Variants in LDB3 observed in about 807,000 individuals in gnomAD.
LDB3 encodes LIM domain binding 3.
A neutral mutation model predicts 69.0 loss-of-function variants in LDB3; 49 were observed. The observed-to-expected ratio is 0.71, with a 90% confidence interval of 0.56 to 0.90. The LOEUF is 0.90. Ranked by LOEUF, LDB3 falls within the 40% of genes least tolerant of loss-of-function variation. The probability of loss-of-function intolerance (pLI) is 0.00; values close to 1 mark genes in which losing one functional copy is unlikely to be tolerated. For missense variants in LDB3, 928 were observed against 974.1 expected, an observed-to-expected ratio of 0.95 and a Z score of 0.63; for synonymous variants, 387 against 396.2, an observed-to-expected ratio of 0.98 and a Z score of 0.28.
intron 12 of LDB3, 111 bp from the exon 13 acceptor site, chr10:86,726,026 A>T (rs1847239122): frequency 2.7e-6 from 2 of 729,250 alleles, no homozygotes; most frequent in Non-Finnish European, 5.0e-6. Flanking sequence ...ATGACAAACA[A>T]CCAATTAGAT....
intron 7 of LDB3, among the ~76,000 whole-genome samples, chr10:86,694,535 C>CA (rs1257203047): frequency 2.0e-5 from 3 of 152,212 alleles, no homozygotes; most frequent in African/African-American, 7.2e-5. Flanking sequence ...TCAGGCCCTG[C>CA]AGTGGAGGCT....
At chr10:86,672,162 G>A (rs1844519219) in intron 2 of LDB3, among the ~76,000 whole-genome samples, 1 of 152,224 alleles carries the variant, frequency 6.6e-6, no homozygotes, top group South Asian at 2.1e-4. Flanking sequence ...ACACCTGTGA[G>A]AGCTCTTTCT....
At chr10:86,716,812 G>A in intron 10 of LDB3, 41 bp downstream of exon 10, 3 of 1,561,154 alleles carry the variant, frequency 1.9e-6, no homozygotes, top group African/African-American at 1.4e-5. Flanking sequence ...CACTGGAAGG[G>A]CGTGTGTGTG....
chr10:86,678,340 C>CTTTT (rs59059288), intron 2 of LDB3, among the ~76,000 whole-genome samples: 1 of 116,050 alleles, frequency 8.6e-6, no homozygotes, highest in African/African-American at 3.3e-5. Flanking sequence ...CCTGGCCACC[C>CTTTT]TTTTTTTTTT....
intron 5 of LDB3, among the ~76,000 whole-genome samples, chr10:86,683,110 C>T (rs1845256498): frequency 6.6e-6 from 1 of 152,214 alleles, no homozygotes; most frequent in African/African-American, 2.4e-5. Flanking sequence ...CCTTGTCCCG[C>T]ATTTGTTGGG....
At chr10:86,690,397 G>A (rs751761754) in intron 5 of LDB3, among the ~76,000 whole-genome samples, 1 of 152,198 alleles carries the variant, frequency 6.6e-6, no homozygotes, top group Non-Finnish European at 1.5e-5. Flanking sequence ...TGCTCCCTGG[G>A]CAGCTGCAGG....
chr10:86,672,564 T>A (rs1299398168), intron 2 of LDB3, among the ~76,000 whole-genome samples: 1 of 152,220 alleles, frequency 6.6e-6, no homozygotes, highest in Non-Finnish European at 1.5e-5. Flanking sequence ...GTGCTGTTTA[T>A]AGCCGCACTG....
At chr10:86,725,797 G>A (rs192359066) in intron 12 of LDB3, among the ~76,000 whole-genome samples, 2 of 152,338 alleles carry the variant, frequency 1.3e-5, no homozygotes, top group Non-Finnish European at 2.9e-5. Context: ...GTTTGGAAAT[G>A]TGGATTGTTT....
At chr10:86,680,620 C>T (rs1478442181) in intron 4 of LDB3, among the ~76,000 whole-genome samples, 1 of 152,200 alleles carries the variant, frequency 6.6e-6, no homozygotes, top group African/African-American at 2.4e-5. Context: ...CTCTGGTTTC[C>T]ACTTCCCCAC....
Position 86,668,718 on chromosome 10 carries a change from G to C in LDB3, c.27G>C (p.Gly9=), listed in dbSNP as rs547733235. The change falls in exon 2 of 14, where the codon GGG becomes GGC. Residue 9 remains glycine (G), a synonymous_variant. Transcript: ENST00000361373. ...TGTCTTACAGTGTGACCCTGACTGG[G>C]CCCGGGCCCTGGGGCTTCCGTCTGC... MSYSVTLT[G]PGPWGFRLQG... The C allele has an allele frequency of 6.2e-7, 1 of 1,613,380 alleles. No individual in the cohort carries two copies. The highest frequency in any genetic ancestry group is 2.2e-5 in the East Asian group (1 of 44,858).
chr10:86,668,599 G>A (rs925029808), intron 1 of LDB3, 29 bp downstream of exon 1: 2 of 992,566 alleles, frequency 2.0e-6, no homozygotes, highest in African/African-American at 1.6e-5. Flanking sequence ...GGCAGGGGCA[G>A]AGGTGTGGAC....
chr10:86,706,399 A>T, intron 7 of LDB3, 132 bp from the exon 8 acceptor site: 1 of 960,520 alleles, frequency 1.0e-6, no homozygotes, highest in Non-Finnish European at 1.7e-6. Flanking sequence ...TGAGGATCCT[A>T]CTCTGTTTGC....
chr10:86,732,283 T>C (rs1305172425), intron 13 of LDB3, among the ~76,000 whole-genome samples: 1 of 152,256 alleles, frequency 6.6e-6, no homozygotes, highest in Admixed American at 6.5e-5. Context: ...GTATTGACTC[T>C]ATTCATGCTA....
intron 9 of LDB3, among the ~76,000 whole-genome samples, chr10:86,714,866 T>C (rs996446225): frequency 8.5e-5 from 13 of 152,194 alleles, no homozygotes; most frequent in African/African-American, 2.9e-4. Flanking sequence ...CGGTATTATC[T>C]TTTGAAGGCC....
At chr10:86,728,943 T>C (rs1269944360) in intron 13 of LDB3, among the ~76,000 whole-genome samples, 2 of 79,762 alleles carry the variant, frequency 2.5e-5, no homozygotes, top group South Asian at 5.7e-4. Flanking sequence ...ACTTGAGGGA[T>C]TTTTTTTTTT....
intron 2 of LDB3, among the ~76,000 whole-genome samples, chr10:86,672,068 C>T (rs540004013): frequency 4.1e-5 from 6 of 147,142 alleles, no homozygotes; most frequent in Admixed American, 3.4e-4. Context: ...GCTGAGATCG[C>T]ACCACTGCAC....
intron 13 of LDB3, 102 bp from the exon 14 acceptor site, chr10:86,732,785 T>C (rs747287554): frequency 9.1e-6 from 8 of 878,658 alleles, no homozygotes; most frequent in African/African-American, 8.3e-5. Flanking sequence ...ATTACAGGAC[T>C]GAGCCACCAC....
chr10:86,703,514 T>A lies in LDB3; in HGVS notation c.897-3017T>A, dbSNP rs1846337356. Among the ~76,000 whole-genome samples, 2 of 152,204 alleles carry A rather than the reference T, an allele frequency of 1.3e-5. 1 individual carries two copies. Among genetic ancestry groups the A allele is most frequent in the Admixed American group, 1.3e-4 (2 of 15,282 alleles). On this transcript the variant is annotated intron_variant, in intron 7 of 13. Coordinates refer to ENST00000361373, the MANE Select transcript of LDB3 (RefSeq NM_007078.3). ...GACCTGGGCAGGATGTAACCACTGC[T>A]CTTGCCCATCCCAAAAGCTTCCCAC...
rs4468255 is a variant in LDB3, at chr10:86,679,248, G to C, written c.94-119G>C. On this transcript the variant is annotated intron_variant, in intron 2 of 13. Coordinates refer to ENST00000361373, the MANE Select transcript of LDB3 (RefSeq NM_007078.3). ...GTTAGCAGCTGGTACTGGCCGTAGCGAATGAAAAACACAATGACGGCTTCT... is the reference window on the plus strand; with the variant it reads ...GTTAGCAGCTGGTACTGGCCGTAGCCAATGAAAAACACAATGACGGCTTCT... 1,167 of 1,262,096 alleles carry C rather than the reference G, an allele frequency of 9.2e-4. 10 individuals are homozygous for C. The African/African-American group carries it at 0.015, about 17-fold the overall frequency. The allele number at this position is 1,262,096 out of a possible 1,614,324, so 78.2% of individuals were successfully genotyped here.
Sources: gnomAD v4.1 joint callset for allele counts (sites outside exome capture counted in the v4.1 genomes callset) on GRCh38, gnomAD v4.1.1 for gene constraint, MANE v1.5 for transcripts, NCBI Gene and HGNC (gene_info 2026-07-23, HGNC 2026-07-21) for gene names.